The following RBL1 variants were observed in gnomAD, a reference collection of about 807,000 sequenced individuals.
The protein encoded by RBL1 is RB transcriptional corepressor like 1.
A neutral mutation model predicts 123.0 loss-of-function variants in RBL1; 82 were observed. The ratio of observed to expected loss-of-function variants is 0.67; its 90% CI spans 0.56 to 0.80. The LOEUF is 0.80. Ranked by LOEUF, RBL1 falls within the 30% of genes least tolerant of loss-of-function variation. The pLI is 0.00. For synonymous variants in RBL1, 405 were observed against 441.3 expected (o/e 0.92, Z 1.03); for missense variants, 1,171 against 1,299.6 (o/e 0.90, Z 1.52).
chr20:37,056,958 C>T (rs1368598403), intron 9 of RBL1, among the ~76,000 whole-genome samples: 1 of 151,994 alleles, frequency 6.6e-6, no homozygotes, highest in Non-Finnish European at 1.5e-5. Flanking sequence ...TTTTATAAGG[C>T]TGAATAATAT....
chr20:37,084,067 C>T (rs1033629357), intron 2 of RBL1, among the ~76,000 whole-genome samples: 1 of 151,552 alleles, frequency 6.6e-6, no homozygotes, highest in South Asian at 2.1e-4. Flanking sequence ...CACCACCATG[C>T]CTGGCTAATC....
chr20:37,042,072 CAAAA>C (rs71186100), intron 13 of RBL1, among the ~76,000 whole-genome samples: 52 of 87,036 alleles, frequency 6.0e-4, no homozygotes, highest in Non-Finnish European at 9.4e-4. Flanking sequence ...GACTTTGTCT[CAAAA>C]AAAAAAAAAA....
chr20:37,080,462 CTTT>C (rs796643116), intron 2 of RBL1, among the ~76,000 whole-genome samples: 1 of 132,688 alleles, frequency 7.5e-6, no homozygotes, highest in Non-Finnish European at 1.6e-5. Flanking sequence ...CTCTCTCTCT[CTTT>C]TTTTTTTTTT....
chr20:37,031,664 A>G (rs1361243757), intron 16 of RBL1, among the ~76,000 whole-genome samples: 1 of 152,218 alleles, frequency 6.6e-6, no homozygotes, highest in African/African-American at 2.4e-5. Flanking sequence ...AGAAAATGAA[A>G]TACTAAATTA....
intron 13 of RBL1, among the ~76,000 whole-genome samples, chr20:37,040,502 GC>G (rs1458789465): frequency 1.3e-5 from 2 of 151,908 alleles, no homozygotes; most frequent in African/African-American, 4.8e-5. Context: ...ACAGGTGTGT[GC>G]CATCATGCCC....
At chr20:37,046,994 CAAT>C (rs1374873568) in intron 12 of RBL1, 56 bp downstream of exon 12, 1 of 1,510,932 alleles carries the variant, frequency 6.6e-7, no homozygotes, top group Non-Finnish European at 8.8e-7. Context: ...AAGATAAATA[CAAT>C]GTTTCTGTGA....
intron 21 of RBL1, among the ~76,000 whole-genome samples, chr20:37,000,357 A>G (rs1183530306): frequency 7.0e-5 from 10 of 143,098 alleles, no homozygotes; most frequent in African/African-American, 2.6e-4. Context: ...CGCCCCGTCC[A>G]GAAGGGAGGT....
rs376073583 is a variant in RBL1 at position 37,072,167 on chromosome 20, CTT to C, written c.291-3983_291-3982del. Among the ~76,000 whole-genome samples, 824 of 152,230 alleles carry C rather than the reference CTT, an allele frequency of 5.4e-3. 8 individuals are homozygous for C. The highest frequency in any genetic ancestry group is 0.019 in the African/African-American group (781 of 41,542). ...AAAAATTATGCTCCCTTACAGAGGA[CTT>C]TAAAAATTTTGTTTTTTGGCCGGGT... On this transcript the variant is annotated intron_variant, in intron 2 of 21. Transcript: ENST00000373664.
intron 12 of RBL1, among the ~76,000 whole-genome samples, chr20:37,044,885 T>TACA (rs1261290625): frequency 6.6e-6 from 1 of 152,170 alleles, no homozygotes; most frequent in Non-Finnish European, 1.5e-5. Flanking sequence ...TTTGAATGTA[T>TACA]TGCTCCTTTC....
chr20:37,015,501 G>A (rs1235728717), intron 19 of RBL1, among the ~76,000 whole-genome samples: 4 of 151,524 alleles, frequency 2.6e-5, no homozygotes, highest in Non-Finnish European at 4.4e-5. Flanking sequence ...CGCGATCTCC[G>A]CTCACTGCAA....
At chr20:37,077,121 G>C (rs545978734) in intron 2 of RBL1, among the ~76,000 whole-genome samples, 4 of 152,100 alleles carry the variant, frequency 2.6e-5, no homozygotes, top group African/African-American at 7.2e-5. Context: ...TAGTTTTAGA[G>C]AGACTGGGTT....
intron 11 of RBL1, among the ~76,000 whole-genome samples, chr20:37,052,722 C>A (rs751583912): frequency 9.2e-5 from 14 of 152,184 alleles, no homozygotes; most frequent in Non-Finnish European, 1.8e-4. Context: ...GTTGGTCAGG[C>A]TGGTCTCGAA....
At chr20:37,032,421 G>A (rs1341678519) in intron 16 of RBL1, among the ~76,000 whole-genome samples, 1 of 152,140 alleles carries the variant, frequency 6.6e-6, no homozygotes, top group African/African-American at 2.4e-5. Context: ...TGGGGAAAGG[G>A]AGAAATGGAT....
Position 36,996,515 on chromosome 20 carries a change from A to G in RBL1, c.*2244T>C, listed in dbSNP as rs1266031494. On this transcript the variant is annotated 3_prime_UTR_variant, in exon 22 of 22. Coordinates refer to ENST00000373664, the MANE Select transcript of RBL1 (RefSeq NM_002895.5). ...GAGTGTAGTGGTGCAATCACAGCTCACTGCAGCCTCAGAATCTCCCAGTCT... is the reference window on the plus strand; with the variant it reads ...GAGTGTAGTGGTGCAATCACAGCTCGCTGCAGCCTCAGAATCTCCCAGTCT... 1 of 152,246 alleles carries G rather than the reference A, an allele frequency of 6.6e-6. No homozygotes were observed. The highest frequency in any genetic ancestry group is 2.4e-5 in the African/African-American group (1 of 41,452). 9.4% of individuals were successfully genotyped at this position (152,246 alleles called of 1,614,324 possible).
At chr20:37,010,113 T>C (rs2064128280) in intron 19 of RBL1, among the ~76,000 whole-genome samples, 1 of 151,890 alleles carries the variant, frequency 6.6e-6, no homozygotes. Context: ...ATTCCAGCAC[T>C]TTGGGAGGCT....
intron 19 of RBL1, among the ~76,000 whole-genome samples, chr20:37,008,188 C>T (rs528289494): frequency 6.6e-6 from 1 of 152,260 alleles, no homozygotes; most frequent in East Asian, 1.9e-4. Context: ...CTAAGTTCTA[C>T]AGTATGGGAG....
At chr20:37,082,959 G>A (rs532225275) in intron 2 of RBL1, among the ~76,000 whole-genome samples, 2 of 152,266 alleles carry the variant, frequency 1.3e-5, no homozygotes, top group South Asian at 4.1e-4. Context: ...CTGAGATCAT[G>A]TTACTGTACT....
At chr20:37,028,162 T>C (rs1050439177) in intron 16 of RBL1, among the ~76,000 whole-genome samples, 2 of 152,076 alleles carry the variant, frequency 1.3e-5, no homozygotes, top group Non-Finnish European at 2.9e-5. Flanking sequence ...GTCAGGAGTT[T>C]GAGACCAGGC....
At chr20:37,094,436 A>C (rs1464714043) in intron 1 of RBL1, among the ~76,000 whole-genome samples, 1 of 152,094 alleles carries the variant, frequency 6.6e-6, no homozygotes. Context: ...ACTCCTTCAT[A>C]TATAGGCACA....
Sources: gnomAD v4.1 joint callset for allele counts (sites outside exome capture counted in the v4.1 genomes callset) on GRCh38, gnomAD v4.1.1 for gene constraint, MANE v1.5 for transcripts, NCBI Gene and HGNC (gene_info 2026-07-23, HGNC 2026-07-21) for gene names.